CTNNA3: variants seen among roughly 807,000 people sequenced by gnomAD.
CTNNA3 encodes the protein catenin alpha-3.
CTNNA3 carries 76 observed loss-of-function variants against 95.7 expected under a neutral mutation model. The observed-to-expected ratio is 0.79, with a 90% CI of 0.66 to 0.96. CTNNA3 has a LOEUF of 0.96. Among genes scored for constraint, CTNNA3 ranks in the 40% least tolerant of loss-of-function variants. The pLI is 0.00. For synonymous variants in CTNNA3, 431 were observed against 374.4 expected (o/e 1.15, Z -1.74); for missense variants, 1,191 against 1,089.8 (o/e 1.09, Z -1.31).
chr10:66,644,298 C>G (rs71493985), intron 9 of CTNNA3, among the ~76,000 whole-genome samples: 1 of 95,886 alleles, frequency 1.0e-5, no homozygotes, highest in Non-Finnish European at 2.1e-5. Flanking sequence ...GTCTGTCTCT[C>G]TCTCTCTCTA....
intron 6 of CTNNA3, among the ~76,000 whole-genome samples, chr10:67,201,903 T>C (rs962691483): frequency 2.4e-4 from 36 of 152,140 alleles, no homozygotes; most frequent in African/African-American, 7.2e-4. Flanking sequence ...CCTCAGGTAA[T>C]TAAACCAAAT....
intron 5 of CTNNA3, among the ~76,000 whole-genome samples, chr10:67,290,195 T>G (rs924214381): frequency 1.1e-4 from 17 of 152,200 alleles, no homozygotes; most frequent in African/African-American, 3.9e-4. Flanking sequence ...GATTCCCTGC[T>G]TACAGTGTTA....
chr10:67,243,032 A>G (rs999278411), intron 5 of CTNNA3, among the ~76,000 whole-genome samples: 1 of 152,062 alleles, frequency 6.6e-6, no homozygotes, highest in Non-Finnish European at 1.5e-5. Context: ...CCTCTTTACA[A>G]TATTTCTCCC....
chr10:67,096,944 T>C (rs1345485423), intron 7 of CTNNA3, among the ~76,000 whole-genome samples: 2 of 151,888 alleles, frequency 1.3e-5, no homozygotes, highest in African/African-American at 2.4e-5. Flanking sequence ...CATGATAAAA[T>C]AAATATTAAG....
chr10:67,335,581 A>G (rs941164243), intron 5 of CTNNA3, among the ~76,000 whole-genome samples: 2 of 152,188 alleles, frequency 1.3e-5, no homozygotes, highest in African/African-American at 4.8e-5. Context: ...GTAAATAATT[A>G]TCTTACTTGT....
intron 13 of CTNNA3, among the ~76,000 whole-genome samples, chr10:66,257,163 C>T (rs934085502): frequency 6.6e-6 from 1 of 152,202 alleles, no homozygotes; most frequent in African/African-American, 2.4e-5. Flanking sequence ...ACTGATGGGG[C>T]CTTGAGGCCA....
At position 67,507,314 on chromosome 10, in the gene CTNNA3, C is replaced by T. The variant is rs923073336; in HGVS notation, c.579+14528G>A. 3.9e-5 allele frequency among the ~76,000 whole-genome samples: 6 copies of T among 151,966 alleles called. No individual in the cohort carries two copies. In the East Asian group the frequency reaches 5.8e-4, roughly 15 times the overall value. ...GGAGGCCGAGGCAGGTGGATCACGACGTCAGCAGTTCAAGACTAGCCTGGC... is the reference window on the plus strand; with the variant it reads ...GGAGGCCGAGGCAGGTGGATCACGATGTCAGCAGTTCAAGACTAGCCTGGC... On this transcript the variant is annotated intron_variant, in intron 5 of 17. Transcript: ENST00000433211.
At chr10:66,116,871 C>G (rs1253026857) in intron 13 of CTNNA3, among the ~76,000 whole-genome samples, 1 of 152,106 alleles carries the variant, frequency 6.6e-6, no homozygotes, top group East Asian at 1.9e-4. Context: ...ACAACCAGAT[C>G]TGGTGAGAAC....
chr10:66,535,269 TGA>T (rs1472066839), intron 10 of CTNNA3, among the ~76,000 whole-genome samples: 3 of 152,208 alleles, frequency 2.0e-5, no homozygotes, highest in Non-Finnish European at 2.9e-5. Flanking sequence ...TCCTCTTTGT[TGA>T]GCACAGATCT....
chr10:66,928,376 A>T (rs1465719375), intron 7 of CTNNA3: 13 of 1,614,014 alleles, frequency 8.1e-6, no homozygotes, highest in Non-Finnish European at 9.3e-6. Context: ...AAACCCACCA[A>T]CACGGAGACC....
intron 15 of CTNNA3, among the ~76,000 whole-genome samples, chr10:66,031,557 G>A (rs895314034): frequency 6.6e-6 from 1 of 152,106 alleles, no homozygotes; most frequent in African/African-American, 2.4e-5. Flanking sequence ...AGCCTCCAAA[G>A]TTGGGGAGGG....
intron 1 of CTNNA3, among the ~76,000 whole-genome samples, chr10:67,748,549 A>C (rs764976854): frequency 3.9e-4 from 59 of 152,190 alleles, no homozygotes; most frequent in Non-Finnish European, 1.3e-4. Context: ...AAACAAGCAA[A>C]CGTTGAGGGA....
chr10:66,927,478 C>G lies in CTNNA3; in HGVS notation c.1048-151954G>C. The G allele has an allele frequency of 6.2e-7, 1 of 1,614,056 alleles. No homozygotes were observed. The highest frequency in any genetic ancestry group is 8.5e-7 in the Non-Finnish European group (1 of 1,180,010). ...CTGCCGCAACCTGGAACTTTTGGAC[C>G]TGGGATATAACCGGATCCGAAGTTT... On this transcript the variant is annotated intron_variant, in intron 7 of 17. Coordinates refer to ENST00000433211, the MANE Select transcript of CTNNA3 (RefSeq NM_013266.4). This position sits in a 1 kb window ranked among gnomAD's most constrained non-coding sequence, Gnocchi z 4.7.
intron 7 of CTNNA3, among the ~76,000 whole-genome samples, chr10:67,074,342 CTTTTTT>C (rs36186252): frequency 7.3e-5 from 5 of 68,740 alleles, no homozygotes; most frequent in African/African-American, 1.4e-4. Flanking sequence ...CACTTTAACT[CTTTTTT>C]TTTTTTTTTT....
At chr10:67,212,330 T>C (rs1486194578) in intron 6 of CTNNA3, among the ~76,000 whole-genome samples, 1 of 151,974 alleles carries the variant, frequency 6.6e-6, no homozygotes, top group Non-Finnish European at 1.5e-5. Flanking sequence ...TTCTCTTCCT[T>C]CTCTTTATAT....
chr10:67,313,261 C>T lies in CTNNA3; in HGVS notation c.580-93391G>A, dbSNP rs1029977996. On this transcript the variant is annotated intron_variant, in intron 5 of 17. Coordinates refer to ENST00000433211, the MANE Select transcript of CTNNA3 (RefSeq NM_013266.4). ...ACCATCCTGGCTAACACGGTGAAAT[C>T]CCGTCTCTACTAAAAATAAAAAAAA... Among the ~76,000 whole-genome samples, 10 of 151,972 alleles carry T rather than the reference C, an allele frequency of 6.6e-5. 1 individual carries two copies. In the East Asian group the frequency reaches 1.9e-3, roughly 29 times the overall value.
intron 2 of CTNNA3, among the ~76,000 whole-genome samples, chr10:67,609,322 A>G (rs891376118): frequency 1.3e-5 from 2 of 152,176 alleles, no homozygotes. Context: ...ATCATGCATC[A>G]CATCTTTGAC....
In CTNNA3 at chr10:67,609,450, T is replaced by TA. The variant is rs534163800; in HGVS notation, c.100-2402dup. Among the ~76,000 whole-genome samples the TA allele has an allele frequency of 3.8e-3, 562 of 147,496 alleles. 2 individuals are homozygous for TA. Among genetic ancestry groups the TA allele is most frequent in the Non-Finnish European group, 4.8e-3 (321 of 66,634 alleles). The stretch of plus-strand genomic sequence containing the variant: ...CTGGACCCAGTTTTTATCCATGAAC[T>TA]AAAAAAAAAACTTAAGAAGTTATGG... On this transcript the variant is annotated intron_variant, in intron 2 of 17. Coordinates refer to ENST00000433211, the MANE Select transcript of CTNNA3 (RefSeq NM_013266.4).
Position 67,136,497 on chromosome 10 carries a change from A to T in CTNNA3, c.1047+43820T>A, listed in dbSNP as rs1427648023. On this transcript the variant is annotated intron_variant, in intron 7 of 17. Transcript: ENST00000433211. Reference sequence around the variant, plus strand: ...AGGTAAACGATAGTGCACACAAGAGAAAATAAAAGAATGATTGCAATATTC... The same window carrying T: ...AGGTAAACGATAGTGCACACAAGAGTAAATAAAAGAATGATTGCAATATTC... Among the ~76,000 whole-genome samples the T allele has an allele frequency of 2.0e-5, 3 of 152,268 alleles. No homozygotes were observed. The East Asian group carries it at 5.8e-4, about 29-fold the overall frequency.
Sources: gnomAD v4.1 joint callset for allele counts (sites outside exome capture counted in the v4.1 genomes callset) on GRCh38, gnomAD v4.1.1 for gene constraint, Gnocchi (gnomAD v3.1) non-coding constraint, MANE v1.5 for transcripts, NCBI Gene and HGNC (gene_info 2026-07-23, HGNC 2026-07-21) for gene names.